Variants in PRR16 observed in about 807,000 individuals in gnomAD.
PRR16 encodes the protein proline rich 16, also known as protein Largen.
Under a neutral mutation model 18.2 loss-of-function variants are expected in PRR16, and 6 were observed. That is an observed-to-expected ratio of 0.33 (90% confidence interval 0.18 to 0.65). The LOEUF is 0.65. Ranked by LOEUF, PRR16 falls within the 30% of genes least tolerant of loss-of-function variation. PRR16 has a pLI of 0.74. For missense variants in PRR16, 412 were observed against 376.6 expected, an observed-to-expected ratio of 1.09 and a Z score of -0.78; for synonymous variants, 151 against 147.8, an observed-to-expected ratio of 1.02 and a Z score of -0.16.
At chr5:120,627,489 T>C (rs1754905424) in intron 1 of PRR16, among the ~76,000 whole-genome samples, 1 of 152,072 alleles carries the variant, frequency 6.6e-6, no homozygotes, top group Non-Finnish European at 1.5e-5. Context: ...TGAATTATGA[T>C]AGTCTTTGAT....
chr5:120,756,040 G>A, the PRR16 span, among the ~76,000 whole-genome samples: 1 of 152,206 alleles, frequency 6.6e-6, no homozygotes. Context: ...GATTGGTTGT[G>A]GAAGGTGACC....
At chr5:120,732,297 G>A in the PRR16 span, among the ~76,000 whole-genome samples, 5 of 152,276 alleles carry the variant, frequency 3.3e-5, no homozygotes, top group Non-Finnish European at 5.9e-5. Flanking sequence ...CACGCTTAAC[G>A]TGAGTAGGAG....
At chr5:120,744,047 G>C in the PRR16 span, among the ~76,000 whole-genome samples, 3 of 151,812 alleles carry the variant, frequency 2.0e-5, no homozygotes, top group Non-Finnish European at 4.4e-5. Context: ...CTGTTACTGA[G>C]CAATGGACTC....
chr5:120,489,002 C>G (rs1749920352), intron 1 of PRR16, among the ~76,000 whole-genome samples: 3 of 152,166 alleles, frequency 2.0e-5, no homozygotes, highest in African/African-American at 4.8e-5. Flanking sequence ...TTTGATTGCA[C>G]TGTGGTCTGA....
At chr5:120,677,905 CTTTTTTTTT>C (rs386404833) in intron 1 of PRR16, among the ~76,000 whole-genome samples, 1 of 93,218 alleles carries the variant, frequency 1.1e-5, no homozygotes, top group Non-Finnish European at 1.9e-5. Flanking sequence ...CTTTTTCTTT[CTTTTTTTTT>C]TTTTTTTTTT....
At chr5:120,754,267 T>C in the PRR16 span, among the ~76,000 whole-genome samples, 1 of 29,478 alleles carries the variant, frequency 3.4e-5, no homozygotes, top group Non-Finnish European at 6.1e-5. Flanking sequence ...AAAATATAAA[T>C]ATAAAATAAT....
intron 1 of PRR16, among the ~76,000 whole-genome samples, chr5:120,625,272 A>C (rs1754827486): frequency 6.6e-6 from 1 of 152,130 alleles, no homozygotes; most frequent in Non-Finnish European, 1.5e-5. Flanking sequence ...TGGTTATTAG[A>C]GAGTTTCTTC....
the PRR16 span, among the ~76,000 whole-genome samples, chr5:120,767,448 C>A: frequency 1.3e-5 from 2 of 151,810 alleles, no homozygotes; most frequent in Non-Finnish European, 2.9e-5. Context: ...CCAATATGAG[C>A]AAATGTCATG....
chr5:120,723,102 C>T, the PRR16 span, among the ~76,000 whole-genome samples: 1 of 151,746 alleles, frequency 6.6e-6, no homozygotes, highest in Non-Finnish European at 1.5e-5. Flanking sequence ...TTGTCACATT[C>T]GCTTTTGTAG....
At chr5:120,575,975 G>C (rs1018133178) in intron 1 of PRR16, among the ~76,000 whole-genome samples, 1 of 152,172 alleles carries the variant, frequency 6.6e-6, no homozygotes, top group South Asian at 2.1e-4. Flanking sequence ...TGGATATGAT[G>C]CAGAAGAAGG....
At chr5:120,637,317 GAAAAA>G (rs372136712) in intron 1 of PRR16, among the ~76,000 whole-genome samples, 124 of 62,648 alleles carry the variant, frequency 2.0e-3, no homozygotes, top group African/African-American at 8.1e-3. Flanking sequence ...CCATTATACG[GAAAAA>G]AAAAAAAAAA....
At chr5:120,516,464 ATTAT>A (rs1361276503) in intron 1 of PRR16, among the ~76,000 whole-genome samples, 1 of 143,408 alleles carries the variant, frequency 7.0e-6, no homozygotes, top group African/African-American at 2.6e-5. Flanking sequence ...GTCTTGTGAT[ATTAT>A]TTCTCAGGAG....
At chr5:120,787,249 CAAT>C in the PRR16 span, among the ~76,000 whole-genome samples, 200 of 151,834 alleles carry the variant, frequency 1.3e-3, no homozygotes, top group African/African-American at 4.5e-3. Flanking sequence ...TTATAACTAA[CAAT>C]AATGGAAGTT....
chr5:120,650,229 AAAAG>A (rs966591665), intron 1 of PRR16, among the ~76,000 whole-genome samples: 3 of 151,828 alleles, frequency 2.0e-5, no homozygotes, highest in African/African-American at 4.8e-5. Context: ...AAAAAAAAGA[AAAAG>A]AAAGAAAAAA....
In PRR16 at chr5:120,686,138, C is replaced by A. The variant is rs773682575; in HGVS notation, c.344C>A (p.Thr115Lys). ...CCAGCACACCCGTCTGCTATCCTCA[C>A]GGTCCTGAGAAAGCCAAACCCTCCA... is the stretch of plus-strand genomic sequence containing the variant. Reference protein sequence around the residue: ...KPPAHPSAILTVLRKPNPPPP... With the variant: ...KPPAHPSAILKVLRKPNPPPP... The change falls in exon 2 of 2, where the codon ACG (threonine) becomes AAG (lysine). Residue 115 changes from threonine (T) to lysine (K), a missense_variant. Thr to Lys is a moderately conservative substitution (Grantham distance 78, BLOSUM62 -1). Coordinates refer to ENST00000407149, the MANE Select transcript of PRR16 (RefSeq NM_001300783.2). 4.3e-6 allele frequency: 7 copies of A among 1,614,134 alleles called. No individual in the cohort carries two copies. Among genetic ancestry groups the A allele is most frequent in the Non-Finnish European group, 5.1e-6 (6 of 1,180,000 alleles).
intron 1 of PRR16, among the ~76,000 whole-genome samples, chr5:120,505,619 A>G (rs1457432648): frequency 6.6e-6 from 1 of 152,164 alleles, no homozygotes; most frequent in African/African-American, 2.4e-5. Context: ...AGTGTCAGTT[A>G]TTTCAATGAA....
the PRR16 span, among the ~76,000 whole-genome samples, chr5:120,788,073 T>A: frequency 6.6e-6 from 1 of 151,820 alleles, no homozygotes; most frequent in Non-Finnish European, 1.5e-5. Context: ...ACCTACCCCT[T>A]AAATTTCAAT....
intron 1 of PRR16, among the ~76,000 whole-genome samples, chr5:120,566,652 G>A (rs1015240686): frequency 2.0e-5 from 3 of 152,138 alleles, no homozygotes; most frequent in African/African-American, 7.2e-5. Flanking sequence ...AACACTTCTT[G>A]TTTTAAAAGT....
chr5:120,637,023 T>C (rs1755250752), intron 1 of PRR16, among the ~76,000 whole-genome samples: 1 of 152,026 alleles, frequency 6.6e-6, no homozygotes, highest in Non-Finnish European at 1.5e-5. Flanking sequence ...CCAACAAGCA[T>C]ATGGAAAAAT....
Sources: gnomAD v4.1 joint callset for allele counts (sites outside exome capture counted in the v4.1 genomes callset) on GRCh38, gnomAD v4.1.1 for gene constraint, MANE v1.5 for transcripts, NCBI Gene and HGNC (gene_info 2026-07-23, HGNC 2026-07-21) for gene names.